Variants in TANC2 observed in about 807,000 individuals in gnomAD.
The protein encoded by TANC2 is protein TANC2.
A neutral mutation model predicts 210.5 loss-of-function variants in TANC2; 26 were observed. The ratio of observed to expected loss-of-function variants is 0.12; its 90% CI spans 0.09 to 0.17. The LOEUF is 0.17. Ranked by LOEUF, TANC2 falls within the 10% of genes least tolerant of loss-of-function variation. The pLI is 1.00. For missense variants in TANC2, 2,129 were observed against 2,608.9 expected (o/e 0.82, Z 4.01); for synonymous variants, 931 against 967.1 (o/e 0.96, Z 0.69).
intron 9 of TANC2, among the ~76,000 whole-genome samples, chr17:63,304,137 G>A (rs745667991): frequency 3.3e-5 from 5 of 152,194 alleles, no homozygotes; most frequent in South Asian, 2.1e-4. Flanking sequence ...CAGGAGAGGC[G>A]TTGCGATCAT....
chr17:63,154,723 A>AG (rs2039775741), intron 5 of TANC2: 1 of 152,078 alleles, frequency 6.6e-6, no homozygotes, highest in South Asian at 2.1e-4. Context: ...GTATAAGACA[A>AG]GGTCTTAATC....
At chr17:63,286,966 G>T (rs2044241232) in intron 9 of TANC2, among the ~76,000 whole-genome samples, 1 of 151,998 alleles carries the variant, frequency 6.6e-6, no homozygotes, top group Non-Finnish European at 1.5e-5. Flanking sequence ...TGTACTCTTT[G>T]TTATACACCC....
chr17:63,022,278 A>G (rs937294969), intron 2 of TANC2, among the ~76,000 whole-genome samples: 16 of 150,816 alleles, frequency 1.1e-4, no homozygotes, highest in Non-Finnish European at 2.4e-4. Flanking sequence ...GAGGCAGAGG[A>G]TGCAGTGAGC....
chr17:63,198,612 C>G (rs1448853555), intron 6 of TANC2, among the ~76,000 whole-genome samples: 1 of 152,184 alleles, frequency 6.6e-6, no homozygotes, highest in Non-Finnish European at 1.5e-5. Flanking sequence ...TCGTTTGCCA[C>G]ATTTCTAACC....
exon 28 of TANC2, chr17:63,426,552 TGAGATGCTTGTGGCCA>T (rs2049148616): frequency 6.6e-6 from 1 of 152,238 alleles, no homozygotes; most frequent in South Asian, 2.1e-4. Context: ...TGAGCCACCC[TGAGATGCTTGTGGCCA>T]CATGGTGGCC....
chr17:63,389,209 C>T, intron 16 of TANC2, 99 bp from the exon 17 acceptor site: 1 of 881,672 alleles, frequency 1.1e-6, no homozygotes, highest in Non-Finnish European at 1.7e-6. Flanking sequence ...CTAAATGCTA[C>T]TAGACACTGT....
At chr17:63,202,048 C>A (rs1023508308) in intron 7 of TANC2, among the ~76,000 whole-genome samples, 4 of 152,008 alleles carry the variant, frequency 2.6e-5, no homozygotes, top group African/African-American at 9.7e-5. Flanking sequence ...TGTTCTAATG[C>A]TCTTCTTATA....
rs1027328140 is a variant in TANC2 at position 62,966,461 on chromosome 17, C to T, written c.-312C>T. ...TCCCATCCCCCTCGCGCTCACCTCC[C>T]GGCTGTGCCGCGCGCTAGGCGGAGC... is the stretch of plus-strand genomic sequence containing the variant. On this transcript the variant is annotated 5_prime_UTR_variant, in exon 1 of 28. Coordinates refer to ENST00000689528, the Ensembl canonical transcript of TANC2. This position sits in a 1 kb window ranked among gnomAD's most constrained non-coding sequence, Gnocchi z 5.1. Among the ~76,000 whole-genome samples the T allele has an allele frequency of 4.0e-5, 6 of 148,398 alleles. No homozygotes were observed. The highest frequency in any genetic ancestry group is 3.9e-4 in the East Asian group (2 of 5,136).
chr17:63,401,232 AAG>A (rs1032882220), intron 19 of TANC2, among the ~76,000 whole-genome samples: 8 of 152,194 alleles, frequency 5.3e-5, no homozygotes, highest in African/African-American at 1.9e-4. Flanking sequence ...CTGTGACCCA[AAG>A]CTAGTTGGTG....
chr17:63,193,848 TC>T (rs1201705629), intron 5 of TANC2, 142 bp from the exon 6 acceptor site: 5 of 896,658 alleles, frequency 5.6e-6, no homozygotes, highest in Non-Finnish European at 7.8e-6. Context: ...GAGTGAGTAG[TC>T]CAAGAAAAAC....
chr17:63,031,889 G>A (rs919785438), intron 2 of TANC2, among the ~76,000 whole-genome samples: 1 of 152,096 alleles, frequency 6.6e-6, no homozygotes, highest in African/African-American at 2.4e-5. Context: ...GAGGGAAATG[G>A]AACAATTCTT....
At chr17:63,289,622 C>T (rs145484876) in intron 9 of TANC2, among the ~76,000 whole-genome samples, 1,808 of 152,282 alleles carry the variant, frequency 0.012, 38 homozygotes, top group Admixed American at 0.067. Context: ...TCCATTAGCG[C>T]CTTTAACGTG....
intron 5 of TANC2, chr17:63,155,347 TC>T (rs2039800058): frequency 6.6e-6 from 1 of 152,170 alleles, no homozygotes; most frequent in Non-Finnish European, 1.5e-5. Flanking sequence ...TTACTCATCA[TC>T]ATCATCATCA....
intron 12 of TANC2, among the ~76,000 whole-genome samples, chr17:63,346,224 A>C (rs1244539725): frequency 6.6e-6 from 1 of 152,240 alleles, no homozygotes; most frequent in Non-Finnish European, 1.5e-5. Flanking sequence ...AAGATTTCTT[A>C]AGGACACAAA....
intron 5 of TANC2, chr17:63,154,762 T>C (rs1450944036): frequency 6.7e-6 from 1 of 149,536 alleles, no homozygotes; most frequent in Non-Finnish European, 1.5e-5. Flanking sequence ...TTTAGGGTCA[T>C]TTTTTGTTAA....
intron 10 of TANC2, 115 bp downstream of exon 10, chr17:63,314,784 G>T: frequency 2.4e-6 from 3 of 1,274,682 alleles, no homozygotes; most frequent in Non-Finnish European, 3.3e-6. Context: ...TGACTTCCAC[G>T]TGAGGACTAT....
chr17:63,426,768 G>C (rs1361803097), exon 28 of TANC2: 2 of 152,220 alleles, frequency 1.3e-5, no homozygotes, highest in Non-Finnish European at 2.9e-5. Flanking sequence ...CATTTTTCCA[G>C]GTAGACCTAC....
intron 5 of TANC2, among the ~76,000 whole-genome samples, chr17:63,166,102 A>G (rs1277557746): frequency 1.3e-5 from 2 of 152,222 alleles, no homozygotes; most frequent in Non-Finnish European, 2.9e-5. Context: ...GTTGCTAAAC[A>G]GTGAATACTT....
intron 2 of TANC2, among the ~76,000 whole-genome samples, chr17:63,058,503 A>T (rs966234149): frequency 5.8e-4 from 88 of 152,240 alleles, no homozygotes; most frequent in African/African-American, 2.0e-3. Context: ...GCCAGTTCCT[A>T]TGTCCAGAAT....
Sources: gnomAD v4.1 joint callset for allele counts (sites outside exome capture counted in the v4.1 genomes callset) on GRCh38, gnomAD v4.1.1 for gene constraint, Gnocchi (gnomAD v3.1) non-coding constraint, MANE v1.5 for transcripts, NCBI Gene and HGNC (gene_info 2026-07-23, HGNC 2026-07-21) for gene names.